The following CCDC152 variants were observed in gnomAD, a reference collection of about 807,000 sequenced individuals.
CCDC152 encodes the protein coiled-coil domain containing 152.
In CCDC152, 37 loss-of-function variants were observed where a neutral mutation model predicts 38.1. The observed-to-expected ratio is 0.97, with a 90% CI of 0.75 to 1.28. CCDC152 has a LOEUF of 1.28. Among genes scored for constraint, CCDC152 ranks in the 50% most tolerant of loss-of-function variants. The pLI, the probability that CCDC152 is intolerant of heterozygous loss-of-function variation, is 0.00. For synonymous variants in CCDC152, 83 were observed against 87.1 expected (o/e 0.95, Z 0.26); for missense variants, 259 against 292.1 (o/e 0.89, Z 0.83).
intron 3 of CCDC152, among the ~76,000 whole-genome samples, chr5:42,765,821 A>G (rs1759616775): frequency 6.6e-6 from 1 of 152,186 alleles, no homozygotes; most frequent in South Asian, 2.1e-4. Flanking sequence ...ACAAGAAGAC[A>G]TCAGGGAGAT....
chr5:42,801,397 A>G lies in CCDC152; in HGVS notation c.*1616A>G. 8.2e-7 allele frequency: 1 copy of G among 1,212,160 alleles called. No homozygotes were observed. The highest frequency in any genetic ancestry group is 1.5e-5 in the South Asian group (1 of 68,180). The allele number at this position is 1,212,160 out of a possible 1,614,324, so 75.1% of individuals were successfully genotyped here. On this transcript the variant is annotated 3_prime_UTR_variant, in exon 9 of 9. Transcript: ENST00000361970. ...AGATAGGAATAATGCGTGAAAAATGATTTGTAGAGCTAACATGTGAAATTC... is the reference window on the plus strand; with the variant it reads ...AGATAGGAATAATGCGTGAAAAATGGTTTGTAGAGCTAACATGTGAAATTC...
Position 42,801,578 on chromosome 5 carries a change from G to A in CCDC152, c.*1797G>A. 1 of 454,052 alleles carries A rather than the reference G, an allele frequency of 2.2e-6. No homozygotes were observed. The allele number at this position is 454,052 out of a possible 1,614,324, so 28.1% of individuals were successfully genotyped here. ...AAGCAAATGAAGTAAACTGGCAAAA[G>A]GAACTTGGATTGCAGGAAAGTCAAA... On this transcript the variant is annotated 3_prime_UTR_variant, in exon 9 of 9. Coordinates refer to ENST00000361970, the MANE Select transcript of CCDC152 (RefSeq NM_001134848.2).
chr5:42,781,570 CACACACACACAT>C (rs1759846652), intron 5 of CCDC152, among the ~76,000 whole-genome samples: 1 of 152,022 alleles, frequency 6.6e-6, no homozygotes. Context: ...CACACACACA[CACACACACACAT>C]ACACACACAC....
intron 3 of CCDC152, among the ~76,000 whole-genome samples, chr5:42,766,954 T>C (rs1459959097): frequency 6.6e-6 from 1 of 152,142 alleles, no homozygotes; most frequent in East Asian, 1.9e-4. Flanking sequence ...CTTGAGGGGA[T>C]AGATACGCCA....
At chr5:42,764,256 A>G (rs1759596070) in intron 3 of CCDC152, among the ~76,000 whole-genome samples, 2 of 152,092 alleles carry the variant, frequency 1.3e-5, no homozygotes, top group African/African-American at 4.8e-5. Flanking sequence ...CTAAAAATAC[A>G]AAAATTAGCC....
chr5:42,801,019 T>C lies in CCDC152; in HGVS notation c.*1238T>C. 1 of 1,614,224 alleles carries C rather than the reference T, an allele frequency of 6.2e-7. No homozygotes were observed. The highest frequency in any genetic ancestry group is 8.5e-7 in the Non-Finnish European group (1 of 1,180,024). ...GTGGGCAATTTACAGAGTAATTGAT[T>C]TATACATCTCTTTCGACAGAGCTTC... On this transcript the variant is annotated 3_prime_UTR_variant, in exon 9 of 9. Coordinates refer to ENST00000361970, the MANE Select transcript of CCDC152 (RefSeq NM_001134848.2).
chr5:42,790,681 T>C (rs1045658077), intron 6 of CCDC152, among the ~76,000 whole-genome samples: 1 of 152,116 alleles, frequency 6.6e-6, no homozygotes, highest in East Asian at 1.9e-4. Context: ...AGAAGGAATC[T>C]TGGGTAGGGA....
intron 6 of CCDC152, among the ~76,000 whole-genome samples, chr5:42,792,066 A>G (rs1160262196): frequency 6.6e-6 from 1 of 152,184 alleles, no homozygotes; most frequent in Non-Finnish European, 1.5e-5. Flanking sequence ...TTTACTAGGA[A>G]AGAGTGGGCC....
In CCDC152 at chr5:42,762,524, G is replaced by A; in HGVS notation, c.169G>A (p.Ala57Thr). 6.5e-7 allele frequency: 1 copy of A among 1,529,258 alleles called. No individual in the cohort carries two copies. Among genetic ancestry groups the A allele is most frequent in the Non-Finnish European group, 8.9e-7 (1 of 1,126,932 alleles). 94.7% of individuals were successfully genotyped at this position (1,529,258 alleles called of 1,614,324 possible). The change falls in exon 3 of 9, where the codon GCA (alanine) becomes ACA (threonine). Residue 57 changes from alanine (A) to threonine (T), a missense_variant. By Grantham distance (58) the Ala-to-Thr change is moderately conservative. Coordinates refer to ENST00000361970, the MANE Select transcript of CCDC152 (RefSeq NM_001134848.2). ...TAATTGCCTATTAAAAGTAATGCAA[G>A]CAAAGGAGGTCTCCATTAAAGAAGG... The part of the protein sequence containing the change: ...KSNCLLKVMQ[A>T]KEVSIKEECA...
chr5:42,797,931 T>G (rs1760096882), intron 7 of CCDC152, among the ~76,000 whole-genome samples: 1 of 151,986 alleles, frequency 6.6e-6, no homozygotes, highest in South Asian at 2.1e-4. Flanking sequence ...GCGGATCACC[T>G]AAGGTCAGGA....
At chr5:42,799,310 A>G (rs1760126887) in intron 7 of CCDC152, 65 bp from the exon 8 acceptor site, 1 of 826,912 alleles carries the variant, frequency 1.2e-6, no homozygotes, top group Non-Finnish European at 1.9e-6. Flanking sequence ...CATGGATTAT[A>G]ATTATAGAAA....
At chr5:42,796,096 G>T (rs1223298442) in intron 6 of CCDC152, among the ~76,000 whole-genome samples, 91 of 151,930 alleles carry the variant, frequency 6.0e-4, no homozygotes, top group African/African-American at 2.1e-3. Context: ...GTTGTGGGGT[G>T]GGGGAGATGG....
intron 4 of CCDC152, among the ~76,000 whole-genome samples, chr5:42,779,021 T>C (rs989276660): frequency 2.6e-5 from 4 of 152,172 alleles, no homozygotes; most frequent in African/African-American, 9.6e-5. Flanking sequence ...TTCCAAGCTA[T>C]ATTCACTCAA....
intron 4 of CCDC152, among the ~76,000 whole-genome samples, chr5:42,770,939 A>G (rs1759689890): frequency 6.6e-6 from 1 of 152,148 alleles, no homozygotes. Flanking sequence ...TGTAATTTGT[A>G]TATAGAAATG....
chr5:42,784,028 T>C (rs993400379), intron 6 of CCDC152, among the ~76,000 whole-genome samples: 3 of 152,190 alleles, frequency 2.0e-5, no homozygotes, highest in African/African-American at 7.2e-5. Flanking sequence ...GACTTGCTAT[T>C]GTGAATAGAA....
At chr5:42,782,890 A>G (rs1310050503) in intron 5 of CCDC152, among the ~76,000 whole-genome samples, 4 of 151,724 alleles carry the variant, frequency 2.6e-5, no homozygotes, top group African/African-American at 7.3e-5. Context: ...TTTTTGAGAC[A>G]GAGTCTCGCT....
At position 42,799,277 on chromosome 5, in the gene CCDC152, A is replaced by G. The variant is rs1003691780; in HGVS notation, c.559-98A>G. ...CTATACTGTAATTTACACCTGAATT[A>G]CAGATTACATGTCAAAGGATAACAT... On this transcript the variant is annotated intron_variant, in intron 7 of 8. Coordinates refer to ENST00000361970, the MANE Select transcript of CCDC152 (RefSeq NM_001134848.2). 1.6e-5 allele frequency: 10 copies of G among 618,712 alleles called. No homozygotes were observed. The African/African-American group carries it at 1.7e-4, about 11-fold the overall frequency. 38.3% of individuals were successfully genotyped at this position (618,712 alleles called of 1,614,324 possible). A position where few individuals can be genotyped will look rare whatever the true frequency, so the allele number is the denominator to read the frequency against.
chr5:42,787,792 A>G (rs1759942819), intron 6 of CCDC152, among the ~76,000 whole-genome samples: 1 of 151,948 alleles, frequency 6.6e-6, no homozygotes, highest in Non-Finnish European at 1.5e-5. Context: ...TTCATTTTCT[A>G]TTTGCATGGT....
intron 6 of CCDC152, among the ~76,000 whole-genome samples, chr5:42,794,668 G>A (rs932184872): frequency 2.6e-5 from 4 of 152,040 alleles, no homozygotes; most frequent in Admixed American, 1.3e-4. Context: ...TTTCTCTTAC[G>A]GCTAACTCTA....
Sources: gnomAD v4.1 joint callset for allele counts (sites outside exome capture counted in the v4.1 genomes callset) on GRCh38, gnomAD v4.1.1 for gene constraint, MANE v1.5 for transcripts, NCBI Gene and HGNC (gene_info 2026-07-23, HGNC 2026-07-21) for gene names.